Variants in COP1 observed in about 807,000 individuals in gnomAD.
COP1 encodes COP1 E3 ubiquitin ligase.
In COP1, 24 loss-of-function variants were observed where a neutral mutation model predicts 101.3. That is an observed-to-expected ratio of 0.24 (90% CI 0.17 to 0.33). The LOEUF (loss-of-function observed/expected upper bound fraction) is 0.33. Among genes scored for constraint, COP1 ranks in the 10% least tolerant of loss-of-function variants. The pLI, the probability that COP1 is intolerant of heterozygous loss-of-function variation, is 1.00. For missense variants in COP1, 663 were observed against 906.2 expected (o/e 0.73, Z 3.45); for synonymous variants, 347 against 341.9 (o/e 1.01, Z -0.17).
chr1:176,006,390 TATG>T (rs1557902815), intron 15 of COP1, among the ~76,000 whole-genome samples: 2 of 152,210 alleles, frequency 1.3e-5, no homozygotes, highest in African/African-American at 4.8e-5. Context: ...ATCCTGTCAT[TATG>T]ATGTTAGCTG....
chr1:176,004,605 A>G (rs544857123), intron 15 of COP1, among the ~76,000 whole-genome samples: 2 of 152,174 alleles, frequency 1.3e-5, no homozygotes, highest in South Asian at 2.1e-4. Flanking sequence ...ATCTATTGAG[A>G]TAATCATGTG....
intron 18 of COP1, among the ~76,000 whole-genome samples, chr1:175,952,621 G>A (rs1487211794): frequency 6.6e-6 from 1 of 151,776 alleles, no homozygotes; most frequent in African/African-American, 2.4e-5. Flanking sequence ...ATCTAAAAAA[G>A]GGATAAGGTG....
At chr1:176,123,967 T>C (rs1687572656) in intron 8 of COP1, among the ~76,000 whole-genome samples, 1 of 152,092 alleles carries the variant, frequency 6.6e-6, no homozygotes, top group Admixed American at 6.6e-5. Flanking sequence ...ACCTAATCAA[T>C]CAGATTTTAA....
intron 9 of COP1, among the ~76,000 whole-genome samples, chr1:176,091,799 T>C (rs968740964): frequency 2.6e-5 from 4 of 151,910 alleles, no homozygotes; most frequent in Non-Finnish European, 5.9e-5. Context: ...CAGAATGAAA[T>C]TATATCAGTA....
chr1:176,097,065 G>C (rs2149482969), intron 9 of COP1, among the ~76,000 whole-genome samples: 1 of 152,292 alleles, frequency 6.6e-6, no homozygotes, highest in East Asian at 1.9e-4. Context: ...AGTAAAGTTT[G>C]AAAGCCAGAA....
At position 176,037,671 on chromosome 1, in the gene COP1, CATA is replaced by C. The variant is rs533339510; in HGVS notation, c.1612+5512_1612+5514del. Among the ~76,000 whole-genome samples, 257 of 152,118 alleles carry C rather than the reference CATA, an allele frequency of 1.7e-3. 1 individual carries two copies. Among genetic ancestry groups the C allele is most frequent in the African/African-American group, 5.9e-3 (246 of 41,500 alleles). On this transcript the variant is annotated intron_variant, in intron 14 of 19. Coordinates refer to ENST00000367669, the MANE Select transcript of COP1 (RefSeq NM_022457.7). ...GTTTTGAAAGTCAATGACTATAATTCATAATATTAATAAAGAGAAACTACATGA... is the reference window on the plus strand; with the variant it reads ...GTTTTGAAAGTCAATGACTATAATTCATATTAATAAAGAGAAACTACATGA...
intron 15 of COP1, among the ~76,000 whole-genome samples, chr1:176,012,984 T>C (rs1052204813): frequency 3.3e-5 from 5 of 152,158 alleles, no homozygotes; most frequent in African/African-American, 1.2e-4. Context: ...CAAATCCCCA[T>C]GCCCTCCATA....
intron 11 of COP1, among the ~76,000 whole-genome samples, chr1:176,051,466 A>G (rs1188302800): frequency 1.3e-5 from 2 of 152,244 alleles, no homozygotes; most frequent in African/African-American, 4.8e-5. Flanking sequence ...ATAAAAGTAC[A>G]GCACACACAA....
At chr1:176,002,647 A>G (rs1175923868) in intron 15 of COP1, among the ~76,000 whole-genome samples, 45 of 146,028 alleles carry the variant, frequency 3.1e-4, no homozygotes, top group South Asian at 8.9e-4. Context: ...GAGAATGATG[A>G]TTTCCAATTT....
chr1:175,983,121 T>A (rs10798431), intron 18 of COP1, among the ~76,000 whole-genome samples: 2,581 of 152,206 alleles, frequency 0.017, 73 homozygotes, highest in African/African-American at 0.058. Flanking sequence ...TATATGAAAA[T>A]ACCACATTGT....
intron 14 of COP1, among the ~76,000 whole-genome samples, chr1:176,035,710 C>CAAAAAAAAAAAAAAAAAAAAA (rs71129541): frequency 9.6e-5 from 7 of 73,100 alleles, no homozygotes; most frequent in South Asian, 4.5e-4. Context: ...AAAACGAGAC[C>CAAAAAAAAAAAAAAAAAAAAA]AAAAAAAAAA....
intron 6 of COP1, among the ~76,000 whole-genome samples, chr1:176,141,573 A>C (rs1690688919): frequency 1.3e-5 from 2 of 152,110 alleles, no homozygotes; most frequent in Admixed American, 1.3e-4. Flanking sequence ...TACTATCAAA[A>C]ACAAAGCATT....
intron 14 of COP1, among the ~76,000 whole-genome samples, chr1:176,037,177 C>G (rs1036315801): frequency 6.6e-6 from 1 of 152,000 alleles, no homozygotes; most frequent in Non-Finnish European, 1.5e-5. Context: ...CCGAGGCAGG[C>G]GGATCACGAG....
chr1:175,956,052 AAG>A (rs1373428154), intron 18 of COP1, among the ~76,000 whole-genome samples: 1 of 152,180 alleles, frequency 6.6e-6, no homozygotes, highest in Non-Finnish European at 1.5e-5. Flanking sequence ...AATTTTGAAA[AAG>A]AAAAAATAAA....
chr1:176,165,702 T>C (rs896040523), intron 3 of COP1, among the ~76,000 whole-genome samples: 4 of 149,620 alleles, frequency 2.7e-5, no homozygotes, highest in Admixed American at 2.0e-4. Flanking sequence ...AATAAATAAA[T>C]AAACAAGTAA....
intron 3 of COP1, among the ~76,000 whole-genome samples, chr1:176,171,124 CAAAAAA>C (rs1174700907): frequency 1.8e-5 from 1 of 56,848 alleles, no homozygotes; most frequent in Non-Finnish European, 3.2e-5. Flanking sequence ...GACTCCATCT[CAAAAAA>C]AAAAAAAAAA....
chr1:176,092,445 C>T (rs187093567), intron 9 of COP1, among the ~76,000 whole-genome samples: 1 of 152,112 alleles, frequency 6.6e-6, no homozygotes, highest in Admixed American at 6.5e-5. Flanking sequence ...AAAGGTGAGA[C>T]AAGATACAAA....
rs71129558 is a variant in COP1, at chr1:176,143,123, C to CGAGAGAGAGA, written c.831+5873_831+5882dup. ...GCAAGAATTGATCCAACAGAACAAGCGAGAGAGAGAGAGAGCGAGAGAAAG... is the reference window on the plus strand; with the variant it reads ...GCAAGAATTGATCCAACAGAACAAGCGAGAGAGAGAGAGAGAGAGAGAGAGCGAGAGAAAG... On this transcript the variant is annotated intron_variant, in intron 6 of 19. Transcript: ENST00000367669. Among the ~76,000 whole-genome samples, 302 of 146,646 alleles carry CGAGAGAGAGA rather than the reference C, an allele frequency of 2.1e-3. 1 individual carries two copies. Among genetic ancestry groups the CGAGAGAGAGA allele is most frequent in the Middle Eastern group, 3.5e-3 (1 of 286 alleles).
intron 5 of COP1, among the ~76,000 whole-genome samples, chr1:176,150,509 G>A (rs780497621): frequency 3.3e-5 from 5 of 152,136 alleles, no homozygotes; most frequent in Non-Finnish European, 5.9e-5. Context: ...CAACAATGAC[G>A]ACAAAGCATC....
Sources: gnomAD v4.1 joint callset for allele counts (sites outside exome capture counted in the v4.1 genomes callset) on GRCh38, gnomAD v4.1.1 for gene constraint, MANE v1.5 for transcripts, NCBI Gene and HGNC (gene_info 2026-07-23, HGNC 2026-07-21) for gene names.